FAF1: variants seen among roughly 807,000 people sequenced by gnomAD.
FAF1 encodes the protein Fas associated factor 1.
In FAF1, 25 loss-of-function variants were observed where a neutral mutation model predicts 92.5. That is an observed-to-expected ratio of 0.27 (90% CI 0.20 to 0.38). The LOEUF is 0.38. Among genes scored for constraint, FAF1 ranks in the 10% least tolerant of loss-of-function variants. The pLI is 1.00. For missense variants in FAF1, 636 were observed against 793.3 expected, an observed-to-expected ratio of 0.80 and a Z score of 2.38; for synonymous variants, 234 against 273.2, an observed-to-expected ratio of 0.86 and a Z score of 1.42.
rs1647799591 is a variant in FAF1 at position 50,526,308 on chromosome 1, T to C, written c.1494+9061A>G. Among the ~76,000 whole-genome samples the C allele has an allele frequency of 2.0e-5, 3 of 151,780 alleles. No homozygotes were observed. The South Asian group carries it at 6.2e-4, about 32-fold the overall frequency. On this transcript the variant is annotated intron_variant, in intron 15 of 18. Transcript: ENST00000396153. ...AAAACAATTTTAAAATTATTTATTA[T>C]TTCTAGGCTGGGCATGGTGGCTCAC...
intron 13 of FAF1, among the ~76,000 whole-genome samples, chr1:50,561,891 A>G (rs1030895810): frequency 1.3e-5 from 2 of 151,480 alleles, no homozygotes; most frequent in Non-Finnish European, 2.9e-5. Flanking sequence ...GGAAGGAAGG[A>G]AGGAAGTTGT....
At chr1:50,867,573 G>C (rs1160387747) in intron 1 of FAF1, among the ~76,000 whole-genome samples, 1 of 151,940 alleles carries the variant, frequency 6.6e-6, no homozygotes, top group African/African-American at 2.4e-5. Flanking sequence ...AAAAAAAAAT[G>C]AAAAAATGCT....
chr1:50,525,100 G>T (rs921820818), intron 15 of FAF1, among the ~76,000 whole-genome samples: 1 of 152,100 alleles, frequency 6.6e-6, no homozygotes, highest in Non-Finnish European at 1.5e-5. Flanking sequence ...TGGTCAGGCT[G>T]GTCTCAAACT....
At position 50,828,347 on chromosome 1, in the gene FAF1, C is replaced by T. The variant is rs546863736; in HGVS notation, c.115-26670G>A. On this transcript the variant is annotated intron_variant, in intron 2 of 18. Coordinates refer to ENST00000396153, the MANE Select transcript of FAF1 (RefSeq NM_007051.3). The stretch of plus-strand genomic sequence containing the variant: ...GCAGTGGCACGATCTTGGCTCACTG[C>T]AAGCTCCACCTCCTGGGTTCACGCC... Among the ~76,000 whole-genome samples, 11 of 151,658 alleles carry T rather than the reference C, an allele frequency of 7.3e-5. No individual in the cohort carries two copies. The South Asian group carries it at 2.3e-3, about 32-fold the overall frequency.
chr1:50,708,396 G>T (rs1318861516), intron 6 of FAF1, among the ~76,000 whole-genome samples: 3 of 152,096 alleles, frequency 2.0e-5, no homozygotes, highest in Non-Finnish European at 2.9e-5. Context: ...GTAAATAAGA[G>T]AATGGAATTA....
intron 15 of FAF1, among the ~76,000 whole-genome samples, chr1:50,508,989 C>T (rs1396061401): frequency 6.6e-6 from 1 of 152,182 alleles, no homozygotes; most frequent in African/African-American, 2.4e-5. Context: ...CAGGCGTGAG[C>T]CACTGTGCCT....
intron 3 of FAF1, among the ~76,000 whole-genome samples, chr1:50,796,060 A>AC (rs56719774): frequency 0.02 from 3,045 of 151,094 alleles, 100 homozygotes; most frequent in African/African-American, 0.071. Context: ...CAACAACAAC[A>AC]AAAAAAAACA....
intron 8 of FAF1, among the ~76,000 whole-genome samples, chr1:50,635,573 A>C (rs183058555): frequency 1.3e-5 from 2 of 152,106 alleles, no homozygotes; most frequent in Non-Finnish European, 2.9e-5. Context: ...CCACGGGTGC[A>C]TGCCACTATA....
At chr1:50,594,794 C>T (rs899876186) in intron 9 of FAF1, among the ~76,000 whole-genome samples, 1 of 150,606 alleles carries the variant, frequency 6.6e-6, no homozygotes, top group Non-Finnish European at 1.5e-5. Flanking sequence ...TCGCTTGAAC[C>T]TGGGAGGTGG....
At chr1:50,781,000 C>CTGAT (rs1661154307) in intron 4 of FAF1, 1 of 477,824 alleles carries the variant, frequency 2.1e-6, no homozygotes, top group Non-Finnish European at 4.2e-6. Context: ...GGCAGCTTAG[C>CTGAT]TGATTGCCAA....
At chr1:50,884,296 C>G (rs1029664361) in intron 1 of FAF1, among the ~76,000 whole-genome samples, 2 of 151,934 alleles carry the variant, frequency 1.3e-5, no homozygotes, top group African/African-American at 4.8e-5. Flanking sequence ...GGATGGATCA[C>G]TTGAGGCCAG....
chr1:50,699,126 A>G (rs1438736233), intron 7 of FAF1, among the ~76,000 whole-genome samples: 1 of 152,038 alleles, frequency 6.6e-6, no homozygotes, highest in East Asian at 1.9e-4. Flanking sequence ...CATCAAACAA[A>G]AGTAAACAAT....
chr1:50,694,790 TACA>T (rs1657113129), intron 7 of FAF1, among the ~76,000 whole-genome samples: 1 of 40,368 alleles, frequency 2.5e-5, no homozygotes, highest in African/African-American at 1.1e-4. Flanking sequence ...TACTAAAAAA[TACA>T]AAAAAAAAAA....
chr1:50,860,561 CCAGT>C (rs1345005036), intron 1 of FAF1, among the ~76,000 whole-genome samples: 2 of 151,780 alleles, frequency 1.3e-5, no homozygotes, highest in East Asian at 3.9e-4. Flanking sequence ...CCATCTCACA[CCAGT>C]CAAAGTGACT....
At chr1:50,445,213 A>G (rs1646214541) in intron 18 of FAF1, among the ~76,000 whole-genome samples, 1 of 152,092 alleles carries the variant, frequency 6.6e-6, no homozygotes, top group Admixed American at 6.6e-5. Flanking sequence ...CCCAATGTAT[A>G]GTGTTTTATC....
intron 1 of FAF1, among the ~76,000 whole-genome samples, chr1:50,867,668 T>C (rs913384357): frequency 3.9e-5 from 6 of 151,958 alleles, no homozygotes; most frequent in African/African-American, 1.4e-4. Context: ...TTAATCAAAA[T>C]CTAAAAAAAT....
At chr1:50,763,149 TC>T (rs1162593896) in intron 4 of FAF1, among the ~76,000 whole-genome samples, 1 of 151,986 alleles carries the variant, frequency 6.6e-6, no homozygotes, top group African/African-American at 2.4e-5. Context: ...TCCCAGCTAC[TC>T]GGGTGGCTGA....
At chr1:50,490,449 AAGG>A (rs1646821344) in intron 17 of FAF1, 136 bp downstream of exon 17, 3 of 421,022 alleles carry the variant, frequency 7.1e-6, no homozygotes, top group Non-Finnish European at 1.4e-5. Context: ...GGAAGGAAGG[AAGG>A]AAGGAAGGAA....
intron 17 of FAF1, 58 bp from the exon 18 acceptor site, chr1:50,475,737 G>C: frequency 8.5e-7 from 1 of 1,182,148 alleles, no homozygotes; most frequent in Non-Finnish European, 1.2e-6. Flanking sequence ...ATGGAGAGTG[G>C]GGAGGAAGAC....
Sources: gnomAD v4.1 joint callset for allele counts (sites outside exome capture counted in the v4.1 genomes callset) on GRCh38, gnomAD v4.1.1 for gene constraint, MANE v1.5 for transcripts, NCBI Gene and HGNC (gene_info 2026-07-23, HGNC 2026-07-21) for gene names.